CAST: variants seen among roughly 807,000 people sequenced by gnomAD.
The protein encoded by CAST is MIR583 host.
CAST carries 76 observed loss-of-function variants against 119.6 expected under a neutral mutation model. The observed-to-expected ratio is 0.64, with a 90% CI of 0.53 to 0.77. The LOEUF (loss-of-function observed/expected upper bound fraction) is 0.77. Among genes scored for constraint, CAST ranks in the 30% least tolerant of loss-of-function variants. The pLI, the probability that CAST is intolerant of heterozygous loss-of-function variation, is 0.00. For synonymous variants in CAST, 319 were observed against 331.6 expected (o/e 0.96, Z 0.41); for missense variants, 953 against 946.5 (o/e 1.01, Z -0.09).
chr5:96,457,723 A>G, the CAST span, among the ~76,000 whole-genome samples: 1 of 152,106 alleles, frequency 6.6e-6, no homozygotes, highest in Non-Finnish European at 1.5e-5. Context: ...AGGAGTCTGG[A>G]TGGTCTCTTA....
At chr5:96,668,831 G>A (rs1414678778) in intron 1 of CAST, among the ~76,000 whole-genome samples, 1 of 151,758 alleles carries the variant, frequency 6.6e-6, no homozygotes, top group Non-Finnish European at 1.5e-5. Flanking sequence ...AGGCTGGGAA[G>A]CCGTCAGGGG....
chr5:96,355,003 T>A, the CAST span, among the ~76,000 whole-genome samples: 1 of 152,140 alleles, frequency 6.6e-6, no homozygotes, highest in Non-Finnish European at 1.5e-5. Context: ...GCTTCTCTTT[T>A]CATTCTTTAT....
the CAST span, chr5:95,961,753 C>A: frequency 6.4e-7 from 1 of 1,571,100 alleles, no homozygotes; most frequent in East Asian, 2.4e-5. Context: ...CCGCCGCCGC[C>A]GCTCCGGCTC....
chr5:96,285,416 C>T, the CAST span, among the ~76,000 whole-genome samples: 1 of 152,178 alleles, frequency 6.6e-6, no homozygotes, highest in African/African-American at 2.4e-5. Context: ...GATTGATTAA[C>T]AGGATTAAGC....
chr5:96,370,049 A>G, the CAST span, among the ~76,000 whole-genome samples: 1 of 152,106 alleles, frequency 6.6e-6, no homozygotes, highest in African/African-American at 2.4e-5. Flanking sequence ...CTTACATTTC[A>G]AACTGAATAA....
the CAST span, among the ~76,000 whole-genome samples, chr5:96,147,492 A>G: frequency 6.6e-6 from 1 of 152,044 alleles, no homozygotes; most frequent in Non-Finnish European, 1.5e-5. Flanking sequence ...AGTCCCAGCT[A>G]CTCAGGAGGC....
intron 1 of CAST, among the ~76,000 whole-genome samples, chr5:96,606,128 C>T (rs1747248518): frequency 1.3e-5 from 2 of 151,950 alleles, no homozygotes; most frequent in Admixed American, 6.6e-5. Flanking sequence ...TGGTGGCTCT[C>T]AACCCTGAAG....
At chr5:96,690,352 C>G (rs1054895538) in intron 2 of CAST, among the ~76,000 whole-genome samples, 3 of 152,104 alleles carry the variant, frequency 2.0e-5, no homozygotes, top group African/African-American at 7.2e-5. Context: ...CTACCTCAGC[C>G]TCCCAAGTAG....
chr5:96,522,657 T>A (rs1267347644), upstream of CAST, among the ~76,000 whole-genome samples: 1 of 152,144 alleles, frequency 6.6e-6, no homozygotes, highest in African/African-American at 2.4e-5. Context: ...CCACTAACCA[T>A]CATAGGACCT....
chr5:96,535,322 G>A (rs1163051937), intron 1 of CAST, among the ~76,000 whole-genome samples: 1 of 152,122 alleles, frequency 6.6e-6, no homozygotes, highest in Non-Finnish European at 1.5e-5. Flanking sequence ...TAAGGAAGAG[G>A]GAAATGGGAA....
the CAST span, among the ~76,000 whole-genome samples, chr5:96,202,881 T>G: frequency 2.0e-5 from 3 of 152,108 alleles, no homozygotes; most frequent in African/African-American, 7.2e-5. Context: ...TTATTAAGAA[T>G]TATATATCTT....
chr5:96,767,568 T>C (rs1210118440), intron 28 of CAST, 86 bp downstream of exon 28: 3 of 916,860 alleles, frequency 3.3e-6, no homozygotes, highest in East Asian at 2.5e-5. Context: ...CTAAAACATA[T>C]TGAATGCCTA....
At chr5:96,561,223 G>C (rs918406923) in intron 1 of CAST, among the ~76,000 whole-genome samples, 1 of 149,748 alleles carries the variant, frequency 6.7e-6, no homozygotes, top group African/African-American at 2.5e-5. Context: ...GAGGGGAGAC[G>C]GATAGCATTA....
the CAST span, among the ~76,000 whole-genome samples, chr5:96,200,489 T>C: frequency 6.6e-6 from 1 of 152,130 alleles, no homozygotes; most frequent in Non-Finnish European, 1.5e-5. Flanking sequence ...CTGTGTCCCT[T>C]ACTTGCCTTC....
the CAST span, among the ~76,000 whole-genome samples, chr5:96,028,090 C>T: frequency 1.3e-5 from 2 of 152,000 alleles, no homozygotes; most frequent in Non-Finnish European, 2.9e-5. Context: ...ATATTTTATT[C>T]CAAATTCTTT....
the CAST span, among the ~76,000 whole-genome samples, chr5:96,442,489 T>C: frequency 6.6e-6 from 1 of 152,268 alleles, no homozygotes; most frequent in Non-Finnish European, 1.5e-5. Flanking sequence ...TAAAATGTTA[T>C]TACCATTTGT....
chr5:96,636,402 G>A (rs1224512095), intron 1 of CAST, among the ~76,000 whole-genome samples: 1 of 151,968 alleles, frequency 6.6e-6, no homozygotes, highest in Non-Finnish European at 1.5e-5. Flanking sequence ...CCAATTTTAG[G>A]GTCAAAAATC....
At chr5:96,677,501 C>A (rs768561658) in intron 2 of CAST, among the ~76,000 whole-genome samples, 1 of 152,170 alleles carries the variant, frequency 6.6e-6, no homozygotes, top group African/African-American at 2.4e-5. Context: ...TGTTAAGAAG[C>A]CATGTTATAA....
At chr5:96,387,928 A>G in the CAST span, among the ~76,000 whole-genome samples, 1 of 152,252 alleles carries the variant, frequency 6.6e-6, no homozygotes, top group African/African-American at 2.4e-5. Flanking sequence ...CCCTGCAGGA[A>G]GAAATTCGAG....
Sources: allele counts gnomAD v4.1 joint callset (sites outside exome capture counted in the v4.1 genomes callset), GRCh38; gene constraint gnomAD v4.1.1; transcripts MANE v1.5; gene names NCBI Gene and HGNC (gene_info 2026-07-23, HGNC 2026-07-21).